SPATA1: variants seen among roughly 807,000 people sequenced by gnomAD.
SPATA1 encodes spermatogenesis-associated protein 1.
Under a neutral mutation model 59.6 loss-of-function variants are expected in SPATA1, and 57 were observed. The observed-to-expected ratio is 0.96, with a 90% CI of 0.77 to 1.19. SPATA1 has a LOEUF of 1.19. Among genes scored for constraint, SPATA1 ranks in the 50% most tolerant of loss-of-function variants. The pLI is 0.00. For synonymous variants in SPATA1, 147 were observed against 163.9 expected, an observed-to-expected ratio of 0.90 and a Z score of 0.79; for missense variants, 448 against 480.7, an observed-to-expected ratio of 0.93 and a Z score of 0.64.
chr1:84,530,675 A>C (rs1015732591), intron 6 of SPATA1, among the ~76,000 whole-genome samples: 1 of 152,242 alleles, frequency 6.6e-6, no homozygotes, highest in Admixed American at 6.5e-5. Context: ...GGTACTTTAC[A>C]TGCATTATGC....
At chr1:84,527,853 C>T (rs1475241310) in intron 6 of SPATA1, among the ~76,000 whole-genome samples, 1 of 152,122 alleles carries the variant, frequency 6.6e-6, no homozygotes, top group Non-Finnish European at 1.5e-5. Flanking sequence ...CCTCAGCCTC[C>T]CTAAGTACCT....
In SPATA1 at chr1:84,507,512, G is replaced by C. The variant is rs537689445; in HGVS notation, c.-138+1094G>C. 2.3e-3 allele frequency among the ~76,000 whole-genome samples: 347 copies of C among 152,284 alleles called. 6 individuals carry two copies. Among genetic ancestry groups the C allele is most frequent in the Non-Finnish European group, 4.4e-4 (30 of 68,024 alleles). ...AAAGTAAATTATACAGCTTCGTAGA[G>C]TTGTTTTTCGGAATGAAATGACATT... On this transcript the variant is annotated intron_variant, in intron 1 of 12. Transcript: ENST00000490879.
intron 3 of SPATA1, among the ~76,000 whole-genome samples, chr1:84,522,058 T>C (rs747082455): frequency 1.2e-3 from 176 of 152,334 alleles, no homozygotes; most frequent in Non-Finnish European, 9.8e-4. Flanking sequence ...CATTGGTATA[T>C]GTATAAAAGT....
rs1415424957 is a variant in SPATA1, at chr1:84,544,227, T to TA, written c.744dup (p.Pro249ThrfsTer18). 1 of 1,600,882 alleles carries TA rather than the reference T, an allele frequency of 6.2e-7. No homozygotes were observed. The highest frequency in any genetic ancestry group is 1.3e-5 in the African/African-American group (1 of 74,786). On this transcript the variant is annotated frameshift_variant, in exon 9 of 13. Transcript: ENST00000490879. LOFTEE classifies it high-confidence loss of function. ...ACAGCTGAAAAAGAGTACATCACCC[T>TA]ACCAGATCACCCTTCACTTCCTTGT...
intron 3 of SPATA1, among the ~76,000 whole-genome samples, chr1:84,521,757 T>C (rs1683036003): frequency 6.6e-6 from 1 of 152,226 alleles, no homozygotes; most frequent in Admixed American, 6.5e-5. Context: ...CAGAGATTTT[T>C]ATTTTGTTGA....
chr1:84,557,440 G>A (rs1684467978), downstream of SPATA1, among the ~76,000 whole-genome samples: 1 of 150,568 alleles, frequency 6.6e-6, no homozygotes. Flanking sequence ...CGCTGAGGCA[G>A]GAGAATTGCT....
chr1:84,534,420 C>A (rs978220557), intron 8 of SPATA1, among the ~76,000 whole-genome samples: 1 of 152,020 alleles, frequency 6.6e-6, no homozygotes, highest in African/African-American at 2.4e-5. Flanking sequence ...CTCATTTAAT[C>A]CCCATAAAGG....
downstream of SPATA1, among the ~76,000 whole-genome samples, chr1:84,558,604 TAA>T (rs112293082): frequency 4.3e-5 from 6 of 139,854 alleles, no homozygotes; most frequent in Admixed American, 7.1e-5. Context: ...TTTTTTTAAT[TAA>T]AAAAAAAAAA....
intron 4 of SPATA1, among the ~76,000 whole-genome samples, chr1:84,565,212 T>TAA (rs978452874): frequency 7.0e-6 from 1 of 142,568 alleles, no homozygotes; most frequent in African/African-American, 2.6e-5. Flanking sequence ...AAATAAAAAT[T>TAA]AAAAAAAAAA....
intron 8 of SPATA1, among the ~76,000 whole-genome samples, chr1:84,535,377 G>T (rs1683635719): frequency 6.6e-6 from 1 of 151,974 alleles, no homozygotes; most frequent in African/African-American, 2.4e-5. Flanking sequence ...CTTACCAAAA[G>T]ACTACTGGAA....
At chr1:84,544,107 T>G in intron 8 of SPATA1, 95 bp from the exon 9 acceptor site, 2 of 773,108 alleles carry the variant, frequency 2.6e-6, no homozygotes, top group South Asian at 3.3e-5. Context: ...GTAAAAAGAA[T>G]GCATTTCTGG....
rs75082422 is a variant in SPATA1 at position 84,528,583 on chromosome 1, A to T, written c.544+2510A>T. Among the ~76,000 whole-genome samples, 196 of 152,298 alleles carry T rather than the reference A, an allele frequency of 1.3e-3. 2 individuals carry two copies. The East Asian group carries it at 0.036, about 28-fold the overall frequency. On this transcript the variant is annotated intron_variant, in intron 6 of 12. Transcript: ENST00000490879. ...TGCTATTCCATTTTATACTCACACA[A>T]TTTATTTACATTACAATTTATTTGT...
intron 11 of SPATA1, 130 bp downstream of exon 11, chr1:84,549,094 T>A: frequency 1.1e-6 from 1 of 905,780 alleles, no homozygotes; most frequent in Non-Finnish European, 1.5e-6. Flanking sequence ...ATAAAAAAAC[T>A]CATGACCTTA....
At chr1:84,548,673 G>T in intron 10 of SPATA1, 113 bp from the exon 11 acceptor site, 1 of 1,235,774 alleles carries the variant, frequency 8.1e-7, no homozygotes, top group Non-Finnish European at 1.0e-6. Flanking sequence ...GAGGAAAATG[G>T]TTTAAATTGA....
chr1:84,531,840 A>AT (rs1394401311), intron 6 of SPATA1, among the ~76,000 whole-genome samples: 2 of 152,156 alleles, frequency 1.3e-5, no homozygotes, highest in African/African-American at 2.4e-5. Context: ...GTTTACAGGC[A>AT]TAAGCCACCA....
intron 8 of SPATA1, among the ~76,000 whole-genome samples, chr1:84,541,530 TC>T (rs1683903120): frequency 6.6e-6 from 1 of 152,186 alleles, no homozygotes; most frequent in Admixed American, 6.5e-5. Flanking sequence ...TGAGAGAATT[TC>T]TTTTTCTTTA....
In SPATA1 at chr1:84,516,396, G is replaced by A. The variant is rs369212875; in HGVS notation, c.36+1G>A. On this transcript the variant is annotated splice_donor_variant, in intron 2 of 12. Coordinates refer to ENST00000490879, the Ensembl canonical transcript of SPATA1. LOFTEE classifies it high-confidence loss of function. ...TCCAAGTCGACCTTCCTCATCAGAGGTAAGAAAATCTTTTTATACTAAAAT... is the reference window on the plus strand; with the variant it reads ...TCCAAGTCGACCTTCCTCATCAGAGATAAGAAAATCTTTTTATACTAAAAT... 5 of 1,479,064 alleles carry A rather than the reference G, an allele frequency of 3.4e-6. No individual in the cohort carries two copies. Among genetic ancestry groups the A allele is most frequent in the Non-Finnish European group, 4.5e-6 (5 of 1,111,758 alleles). The allele number at this position is 1,479,064 out of a possible 1,614,324, so 91.6% of individuals were successfully genotyped here.
chr1:84,532,825 G>A (rs375021092), intron 6 of SPATA1, 35 bp from the exon 7 acceptor site: 2 of 1,383,116 alleles, frequency 1.4e-6, no homozygotes, highest in Non-Finnish European at 2.0e-6. Flanking sequence ...CTAACATTCT[G>A]AACTTTATTT....
At chr1:84,526,234 C>G (rs1205187227) in intron 6 of SPATA1, 161 bp downstream of exon 6, 2 of 561,146 alleles carry the variant, frequency 3.6e-6, no homozygotes, top group African/African-American at 3.7e-5. Context: ...ATATTTTTGC[C>G]AGATGGGAGG....
Sources: gnomAD v4.1 joint callset for allele counts (sites outside exome capture counted in the v4.1 genomes callset) on GRCh38, gnomAD v4.1.1 for gene constraint, MANE v1.5 for transcripts, NCBI Gene and HGNC (gene_info 2026-07-23, HGNC 2026-07-21) for gene names.